The following CNTNAP5 variants were observed in gnomAD, a reference collection of about 807,000 sequenced individuals.
CNTNAP5 encodes contactin associated protein family member 5.
A neutral mutation model predicts 150.2 loss-of-function variants in CNTNAP5; 72 were observed. The ratio of observed to expected loss-of-function variants is 0.48; its 90% confidence interval spans 0.40 to 0.58. CNTNAP5 has a LOEUF of 0.58. Among genes scored for constraint, CNTNAP5 ranks in the 20% least tolerant of loss-of-function variants. The pLI is 0.00. For missense variants in CNTNAP5, 1,636 were observed against 1,626.2 expected, an observed-to-expected ratio of 1.01 and a Z score of -0.10; for synonymous variants, 672 against 619.8, an observed-to-expected ratio of 1.08 and a Z score of -1.25.
chr2:124,496,779 G>A (rs1694159395), intron 7 of CNTNAP5, among the ~76,000 whole-genome samples: 1 of 152,150 alleles, frequency 6.6e-6, no homozygotes, highest in Non-Finnish European at 1.5e-5. Context: ...TGTCCCTACG[G>A]TAGAGGAGTC....
At chr2:124,837,085 G>A (rs1159018462) in intron 19 of CNTNAP5, among the ~76,000 whole-genome samples, 2 of 151,744 alleles carry the variant, frequency 1.3e-5, no homozygotes, top group Non-Finnish European at 2.9e-5. Context: ...GTGGAACTGA[G>A]TATGTGAGGG....
rs1542918 is a variant in CNTNAP5, at chr2:124,572,845, A to G, written c.1756+9522A>G. 1.3e-3 allele frequency among the ~76,000 whole-genome samples: 196 copies of G among 152,264 alleles called. 1 individual carries two copies. Among genetic ancestry groups the G allele is most frequent in the African/African-American group, 4.6e-3 (190 of 41,538 alleles). On this transcript the variant is annotated intron_variant, in intron 11 of 23. Coordinates refer to ENST00000682447, the MANE Select transcript of CNTNAP5 (RefSeq NM_001367498.1). Reference sequence around the variant, plus strand: ...TTTCCTGAAGAAAATCTGTCAACTGATGCAAGAAATCTGAGCGGACCTTTT... The same window carrying G: ...TTTCCTGAAGAAAATCTGTCAACTGGTGCAAGAAATCTGAGCGGACCTTTT...
At chr2:124,747,692 T>A (rs1288702853) in intron 14 of CNTNAP5, among the ~76,000 whole-genome samples, 1 of 137,602 alleles carries the variant, frequency 7.3e-6, no homozygotes, top group Non-Finnish European at 1.5e-5. Context: ...CGATCTTGGC[T>A]CACTGCAACC....
chr2:124,102,200 A>C (rs992830021), intron 1 of CNTNAP5, among the ~76,000 whole-genome samples: 1 of 152,158 alleles, frequency 6.6e-6, no homozygotes, highest in Non-Finnish European at 1.5e-5. Flanking sequence ...TCCTTTGCAA[A>C]TATTAAAAGC....
chr2:124,870,789 AT>A (rs1276799497), intron 21 of CNTNAP5, among the ~76,000 whole-genome samples: 1 of 152,074 alleles, frequency 6.6e-6, no homozygotes, highest in African/African-American at 2.4e-5. Flanking sequence ...CTGTATGCAA[AT>A]TCACAGGTAG....
At chr2:124,229,678 G>C (rs1312776930) in intron 2 of CNTNAP5, among the ~76,000 whole-genome samples, 1 of 152,132 alleles carries the variant, frequency 6.6e-6, no homozygotes, top group Non-Finnish European at 1.5e-5. Flanking sequence ...GAAAGCTTTT[G>C]ATCTCGGCAT....
intron 1 of CNTNAP5, among the ~76,000 whole-genome samples, chr2:124,220,692 G>T (rs886968135): frequency 6.6e-6 from 1 of 152,072 alleles, no homozygotes; most frequent in African/African-American, 2.4e-5. Flanking sequence ...CTCTCTTGTT[G>T]CATCATCATA....
At chr2:124,101,728 CAG>C (rs1342075885) in intron 1 of CNTNAP5, among the ~76,000 whole-genome samples, 2 of 152,222 alleles carry the variant, frequency 1.3e-5, no homozygotes, top group Non-Finnish European at 2.9e-5. Context: ...GCACATGCCT[CAG>C]AATATCTGGA....
rs1228578539 is a variant in CNTNAP5, at chr2:124,713,696, A to G, written c.2078-33533A>G. On this transcript the variant is annotated intron_variant, in intron 13 of 23. Coordinates refer to ENST00000682447, the MANE Select transcript of CNTNAP5 (RefSeq NM_001367498.1). ...GGGCCATAACGTGTTTCTTATTTCC[A>G]TCCTTGCTCCTTTTCTCACCTCCCT... Among the ~76,000 whole-genome samples the G allele has an allele frequency of 2.4e-4, 37 of 151,780 alleles. 1 individual carries two copies. Among genetic ancestry groups the G allele is most frequent in the Non-Finnish European group, 2.9e-5 (2 of 67,932 alleles).
chr2:124,323,909 TAGAG>T (rs1028258743), intron 3 of CNTNAP5, among the ~76,000 whole-genome samples: 55 of 151,700 alleles, frequency 3.6e-4, no homozygotes, highest in African/African-American at 1.3e-3. Context: ...AAAGGAGAAA[TAGAG>T]AAAGAGAGCA....
chr2:124,051,568 CA>C (rs1573718831), intron 1 of CNTNAP5, among the ~76,000 whole-genome samples: 1 of 152,146 alleles, frequency 6.6e-6, no homozygotes, highest in East Asian at 1.9e-4. Flanking sequence ...AGCCTAATTT[CA>C]GCACTAAATT....
intron 2 of CNTNAP5, among the ~76,000 whole-genome samples, chr2:124,225,532 G>A (rs1686434579): frequency 6.6e-6 from 1 of 152,152 alleles, no homozygotes; most frequent in Non-Finnish European, 1.5e-5. Context: ...TACAGTGTAT[G>A]AAATGATGAT....
chr2:124,176,680 A>G (rs1362767262), intron 1 of CNTNAP5, among the ~76,000 whole-genome samples: 1 of 152,092 alleles, frequency 6.6e-6, no homozygotes, highest in Non-Finnish European at 1.5e-5. Flanking sequence ...TAATGTTTAC[A>G]GACTGAGAGG....
intron 1 of CNTNAP5, among the ~76,000 whole-genome samples, chr2:124,092,490 G>C (rs537293747): frequency 1.3e-5 from 2 of 152,288 alleles, no homozygotes; most frequent in Non-Finnish European, 2.9e-5. Flanking sequence ...TGCCAACCCT[G>C]AAGTACTTTA....
At chr2:124,524,093 C>A (rs140919525) in intron 8 of CNTNAP5, among the ~76,000 whole-genome samples, 2 of 152,008 alleles carry the variant, frequency 1.3e-5, no homozygotes, top group East Asian at 3.9e-4. Context: ...GTAGTTCAGC[C>A]GTCTTTTTTA....
chr2:124,862,400 T>G (rs1453990305), intron 19 of CNTNAP5, among the ~76,000 whole-genome samples: 2 of 152,214 alleles, frequency 1.3e-5, no homozygotes, highest in Admixed American at 6.5e-5. Flanking sequence ...GACAATTCAC[T>G]GTCTGTGGAA....
intron 11 of CNTNAP5, among the ~76,000 whole-genome samples, chr2:124,608,530 G>A (rs759114059): frequency 1.8e-4 from 27 of 152,196 alleles, no homozygotes; most frequent in Admixed American, 2.6e-4. Flanking sequence ...ATCCTCTGGT[G>A]GCAACCTCAT....
At chr2:124,111,512 G>A (rs1356906235) in intron 1 of CNTNAP5, among the ~76,000 whole-genome samples, 5 of 151,988 alleles carry the variant, frequency 3.3e-5, no homozygotes, top group Admixed American at 3.3e-4. Context: ...TAAAATTCAT[G>A]GAATATAAAA....
intron 7 of CNTNAP5, among the ~76,000 whole-genome samples, chr2:124,483,247 A>T (rs1435060286): frequency 1.3e-5 from 2 of 152,200 alleles, no homozygotes; most frequent in Middle Eastern, 3.2e-3. Flanking sequence ...GCTAACCCAG[A>T]AACCTGGAGT....
Sources: allele counts gnomAD v4.1 joint callset (sites outside exome capture counted in the v4.1 genomes callset), GRCh38; gene constraint gnomAD v4.1.1; transcripts MANE v1.5; gene names NCBI Gene and HGNC (gene_info 2026-07-23, HGNC 2026-07-21).